The following ATP10B variants were observed in gnomAD, a reference collection of about 807,000 sequenced individuals.
ATP10B encodes ATPase phospholipid transporting 10B (putative).
A neutral mutation model predicts 141.2 loss-of-function variants in ATP10B; 122 were observed. The observed-to-expected ratio is 0.86, with a 90% CI of 0.75 to 1.00. The LOEUF (loss-of-function observed/expected upper bound fraction) is 1.00. Ranked by LOEUF, ATP10B falls within the 50% of genes least tolerant of loss-of-function variation. ATP10B has a pLI of 0.00. For synonymous variants in ATP10B, 685 were observed against 692.0 expected (o/e 0.99, Z 0.16); for missense variants, 1,876 against 1,825.3 (o/e 1.03, Z -0.51).
intron 13 of ATP10B, among the ~76,000 whole-genome samples, chr5:160,623,722 A>C (rs764187979): frequency 6.6e-6 from 1 of 152,166 alleles, no homozygotes; most frequent in East Asian, 1.9e-4. Flanking sequence ...ATTTTACCCC[A>C]GGGATCTGAT....
intron 10 of ATP10B, 28 bp from the exon 11 acceptor site, chr5:160,636,337 G>A (rs1759371885): frequency 1.9e-6 from 3 of 1,607,464 alleles, no homozygotes; most frequent in African/African-American, 2.7e-5. Flanking sequence ...CAGGAATGAG[G>A]CTGAATCTCT....
intron 8 of ATP10B, among the ~76,000 whole-genome samples, chr5:160,647,350 A>C (rs1760365253): frequency 6.6e-6 from 1 of 152,160 alleles, no homozygotes; most frequent in South Asian, 2.1e-4. Context: ...GTAGGAGCAC[A>C]GCAAGGAATT....
intron 14 of ATP10B, among the ~76,000 whole-genome samples, chr5:160,621,688 T>C (rs2127650225): frequency 6.6e-6 from 1 of 152,328 alleles, no homozygotes; most frequent in African/African-American, 2.4e-5. Context: ...CTTGGTTTCA[T>C]AGTTGCAAGT....
At chr5:160,820,055 T>C (rs939862123) in intron 1 of ATP10B, among the ~76,000 whole-genome samples, 5 of 150,300 alleles carry the variant, frequency 3.3e-5, no homozygotes, top group Non-Finnish European at 5.9e-5. Flanking sequence ...GAATTCAAAA[T>C]GAAGAAAACA....
chr5:160,788,462 A>G (rs1338289591), intron 1 of ATP10B, among the ~76,000 whole-genome samples: 1 of 152,180 alleles, frequency 6.6e-6, no homozygotes, highest in East Asian at 1.9e-4. Flanking sequence ...ATTTGCTGCT[A>G]TCTGGAAAGT....
At chr5:160,807,981 C>T (rs1158125717) in intron 1 of ATP10B, among the ~76,000 whole-genome samples, 2 of 152,132 alleles carry the variant, frequency 1.3e-5, no homozygotes, top group African/African-American at 4.8e-5. Context: ...ACTTGAGATG[C>T]TTCTCATTAA....
rs372351351 is a variant in ATP10B at position 160,598,812 on chromosome 5, G to C, written c.3522C>G (p.Leu1174=). 1.3e-4 allele frequency: 203 copies of C among 1,614,064 alleles called. 1 individual carries two copies. The highest frequency in any genetic ancestry group is 1.0e-4 in the Non-Finnish European group (123 of 1,180,022). Reference sequence around the variant, plus strand: ...TCTTGTATAGCTCAGGCAATGCCAGGAGTGTTTCTGCAGAGATGTCTTTGT... The same window carrying C: ...TCTTGTATAGCTCAGGCAATGCCAGCAGTGTTTCTGCAGAGATGTCTTTGT... ...VLDKDISAET[L]LALPELYKSG... Residue 1174 remains leucine (L), a synonymous_variant, in exon 22 of 26, where the codon CTC becomes CTG. Transcript: ENST00000327245.
At chr5:160,678,921 C>A (rs966941227) in intron 6 of ATP10B, among the ~76,000 whole-genome samples, 4 of 152,240 alleles carry the variant, frequency 2.6e-5, no homozygotes, top group Non-Finnish European at 5.9e-5. Flanking sequence ...TTTACTCACC[C>A]TGTGGCATTG....
At chr5:160,819,552 G>T (rs776666548) in intron 1 of ATP10B, among the ~76,000 whole-genome samples, 1 of 152,146 alleles carries the variant, frequency 6.6e-6, no homozygotes, top group Non-Finnish European at 1.5e-5. Flanking sequence ...TGTAACTGTG[G>T]TGTGTAAACT....
chr5:160,788,901 G>C (rs1771369124), intron 1 of ATP10B, among the ~76,000 whole-genome samples: 1 of 152,078 alleles, frequency 6.6e-6, no homozygotes, highest in Non-Finnish European at 1.5e-5. Context: ...GAAACAGTTA[G>C]GTTTCTATAT....
the ATP10B span, among the ~76,000 whole-genome samples, chr5:160,859,768 C>T: frequency 3.3e-5 from 5 of 151,690 alleles, no homozygotes; most frequent in Admixed American, 2.0e-4. Context: ...TTAGTATGGC[C>T]GTCAGGTATG....
intron 1 of ATP10B, among the ~76,000 whole-genome samples, chr5:160,799,355 A>G (rs1772199448): frequency 6.6e-6 from 1 of 152,130 alleles, no homozygotes; most frequent in African/African-American, 2.4e-5. Context: ...TGTCCCTTCT[A>G]TTTTTAAGCA....
chr5:160,921,302 T>C, the ATP10B span, among the ~76,000 whole-genome samples: 36 of 152,224 alleles, frequency 2.4e-4, no homozygotes, highest in African/African-American at 7.7e-4. Flanking sequence ...TAATATATCT[T>C]AAAGATTGTT....
intron 1 of ATP10B, among the ~76,000 whole-genome samples, chr5:160,811,001 C>A (rs985451549): frequency 2.0e-5 from 3 of 152,180 alleles, no homozygotes; most frequent in African/African-American, 4.8e-5. Flanking sequence ...GGATAGGGCA[C>A]CAGTCAGAGT....
Position 160,620,490 on chromosome 5 carries a change from A to G in ATP10B, c.2273T>C (p.Phe758Ser). ...VRLPQGTCLTFSLLCTLGFDS... is the reference protein window; with the variant it reads ...VRLPQGTCLTSSLLCTLGFDS... ...AAAGCCCAGGGTGCAGAGGAGGCTG[A>G]AGGTGAGGCAGGTGCCCTGGGGCAG... Residue 758 changes from phenylalanine to serine, a missense_variant, in exon 15 of 26, where the codon TTC becomes TCC. Physicochemically the swap from Phe to Ser is radical, Grantham distance 155. Transcript: ENST00000327245. The G allele has an allele frequency of 6.2e-7, 1 of 1,614,208 alleles. No homozygotes were observed. The highest frequency in any genetic ancestry group is 1.3e-5 in the African/African-American group (1 of 75,072).
chr5:160,669,612 T>C (rs925131324), intron 7 of ATP10B, among the ~76,000 whole-genome samples: 62 of 140,090 alleles, frequency 4.4e-4, no homozygotes, highest in African/African-American at 1.4e-3. Context: ...CTCTCTCTTT[T>C]TTTTTTTTTT....
chr5:160,851,701 T>C (rs571545015), intron 1 of ATP10B, among the ~76,000 whole-genome samples: 5 of 152,326 alleles, frequency 3.3e-5, no homozygotes, highest in African/African-American at 1.2e-4. Flanking sequence ...CTGCAAGCCC[T>C]GTTGAGTGAG....
rs1229324348 is a variant in ATP10B at position 160,794,706 on chromosome 5, T to C, written c.-575-8903A>G. The stretch of plus-strand genomic sequence containing the variant: ...ATCAAACTCCTTGCCTCTTAAGGCA[T>C]TTTGTTTGGAATGAAATGCCTTCTC... On this transcript the variant is annotated intron_variant, in intron 1 of 25. Coordinates refer to ENST00000327245, the MANE Select transcript of ATP10B (RefSeq NM_025153.3). Among the ~76,000 whole-genome samples the C allele has an allele frequency of 3.9e-5, 6 of 152,326 alleles. No individual in the cohort carries two copies. In the East Asian group the frequency reaches 1.2e-3, roughly 29 times the overall value.
intron 2 of ATP10B, among the ~76,000 whole-genome samples, chr5:160,728,982 G>C (rs1365542056): frequency 6.6e-6 from 1 of 152,178 alleles, no homozygotes; most frequent in African/African-American, 2.4e-5. Flanking sequence ...GGGAGGGTCT[G>C]GACATGGCAG....
Sources: gnomAD v4.1 joint callset for allele counts (sites outside exome capture counted in the v4.1 genomes callset) on GRCh38, gnomAD v4.1.1 for gene constraint, MANE v1.5 for transcripts, NCBI Gene and HGNC (gene_info 2026-07-23, HGNC 2026-07-21) for gene names.